The following MYT1L variants were observed in gnomAD, a reference collection of about 807,000 sequenced individuals.
MYT1L encodes myelin transcription factor 1-like protein.
In MYT1L, 12 loss-of-function variants were observed where a neutral mutation model predicts 126.7. The ratio of observed to expected loss-of-function variants is 0.09; its 90% CI spans 0.06 to 0.15. The LOEUF (loss-of-function observed/expected upper bound fraction) is 0.15. MYT1L is among the 10% of genes least tolerant of loss of function. The probability of loss-of-function intolerance (pLI) is 1.00; values close to 1 mark genes in which losing one functional copy is unlikely to be tolerated. For synonymous variants in MYT1L, 541 were observed against 604.2 expected (o/e 0.90, Z 1.53); for missense variants, 979 against 1,585.2 (o/e 0.62, Z 6.49).
chr2:2,309,820 A>G (rs1259926856), intron 1 of MYT1L, among the ~76,000 whole-genome samples: 1 of 151,802 alleles, frequency 6.6e-6, no homozygotes, highest in Non-Finnish European at 1.5e-5. Flanking sequence ...GCACTTCGGC[A>G]TACTCTATAT....
At chr2:1,947,500 C>T (rs1445552795) in intron 8 of MYT1L, among the ~76,000 whole-genome samples, 2 of 152,120 alleles carry the variant, frequency 1.3e-5, no homozygotes, top group African/African-American at 4.8e-5. Flanking sequence ...GTGTCTGAGT[C>T]CCAACCTTGG....
intron 1 of MYT1L, among the ~76,000 whole-genome samples, chr2:2,330,217 T>C (rs373382606): frequency 6.6e-6 from 1 of 152,084 alleles, no homozygotes; most frequent in Non-Finnish European, 1.5e-5. Flanking sequence ...AAAATAGTTT[T>C]ACTCTAAGTA....
In MYT1L at chr2:1,791,520, T is replaced by C; in HGVS notation, c.*347A>G. ...CATTTCAGTTCAAAATACTAAAACA[T>C]TTAATCACTAAAGCATTAAAAAGAA... On this transcript the variant is annotated 3_prime_UTR_variant, in exon 25 of 25. Coordinates refer to ENST00000647738, the MANE Select transcript of MYT1L (RefSeq NM_001303052.2). This position sits in a 1 kb window ranked among gnomAD's most constrained non-coding sequence, Gnocchi z 6.0. The C allele has an allele frequency of 3.0e-6, 1 of 329,754 alleles. No individual in the cohort carries two copies. The highest frequency in any genetic ancestry group is 5.8e-6 in the Non-Finnish European group (1 of 172,518). 20.4% of individuals were successfully genotyped at this position (329,754 alleles called of 1,614,324 possible).
chr2:2,205,378 C>G (rs57959990), intron 2 of MYT1L, among the ~76,000 whole-genome samples: 1 of 152,168 alleles, frequency 6.6e-6, no homozygotes, highest in African/African-American at 2.4e-5. Flanking sequence ...GAACCTTAAA[C>G]AATTCTTAAA....
chr2:2,004,657 GCC>G (rs2062963386), intron 4 of MYT1L, among the ~76,000 whole-genome samples: 5 of 72,788 alleles, frequency 6.9e-5, no homozygotes, highest in South Asian at 3.8e-4. Context: ...TTTCCTGCGT[GCC>G]TTCTTTCCTG....
rs558175045 is a variant in MYT1L, at chr2:1,918,184, A to G, written c.1484-845T>C. Among the ~76,000 whole-genome samples the G allele has an allele frequency of 1.3e-4, 20 of 152,336 alleles. No homozygotes were observed. In the East Asian group the frequency reaches 3.9e-3, roughly 29 times the overall value. ...TTCGGTTAAAAAAAAATTCAATACT[A>G]GAGGCCAGAAATGTAATGATATTGC... On this transcript the variant is annotated intron_variant, in intron 10 of 24. Transcript: ENST00000647738.
chr2:1,809,836 C>T (rs780624252), intron 21 of MYT1L: 1 of 152,514 alleles, frequency 6.6e-6, no homozygotes, highest in Non-Finnish European at 1.5e-5. Context: ...CGTCTCAGCT[C>T]TTCACAGTGT....
chr2:1,934,945 A>C lies in MYT1L; in HGVS notation c.505+8037T>G, dbSNP rs181122582. 1.2e-3 allele frequency among the ~76,000 whole-genome samples: 184 copies of C among 152,190 alleles called. 1 individual carries two copies. The highest frequency in any genetic ancestry group is 4.2e-3 in the African/African-American group (173 of 41,534). ...GAGACACAGGTGGCTGCTCACATAA[A>C]TGTGCTAGATTGGGAGGGAAATTGA... is the stretch of plus-strand genomic sequence containing the variant. On this transcript the variant is annotated intron_variant, in intron 9 of 24. Transcript: ENST00000647738.
Position 1,912,010 on chromosome 2 carries a change from C to T in MYT1L, c.1709+10G>A, listed in dbSNP as rs552443683. 20 of 1,586,868 alleles carry T rather than the reference C, an allele frequency of 1.3e-5. No individual in the cohort carries two copies. The Admixed American group carries it at 2.4e-4, about 19-fold the overall frequency. On this transcript the variant is annotated intron_variant, in intron 12 of 24. Transcript: ENST00000647738. The surrounding 1 kb of genome is among the most constrained non-coding windows in gnomAD (Gnocchi z 4.3). ...CTCCCTCCCACACCAGTGACCCACG[C>T]GTGGCTTACCTTCGGTGGGAGTTCC...
chr2:1,996,068 G>A (rs1323492177), intron 5 of MYT1L, among the ~76,000 whole-genome samples: 5 of 152,332 alleles, frequency 3.3e-5, no homozygotes, highest in South Asian at 2.1e-4. Flanking sequence ...GGGAAGGGCC[G>A]GAGAGGCTGA....
At chr2:1,802,690 C>T (rs1227644270) in intron 22 of MYT1L, among the ~76,000 whole-genome samples, 2 of 152,200 alleles carry the variant, frequency 1.3e-5, no homozygotes, top group African/African-American at 4.8e-5. Context: ...CACTTGCTTC[C>T]CTGGCCGGCT....
At chr2:1,992,515 A>G (rs2061523553) in intron 5 of MYT1L, among the ~76,000 whole-genome samples, 1 of 152,132 alleles carries the variant, frequency 6.6e-6, no homozygotes, top group Non-Finnish European at 1.5e-5. Flanking sequence ...TCTCGGGCAT[A>G]AGAACCCAGA....
At chr2:2,327,977 C>T (rs2096261768) in intron 1 of MYT1L, among the ~76,000 whole-genome samples, 1 of 152,124 alleles carries the variant, frequency 6.6e-6, no homozygotes, top group Admixed American at 6.5e-5. Context: ...AATTGGCTTA[C>T]AGGTAGAGTT....
intron 2 of MYT1L, among the ~76,000 whole-genome samples, chr2:2,203,757 C>T (rs1408565427): frequency 6.6e-6 from 1 of 152,154 alleles, no homozygotes; most frequent in Admixed American, 6.5e-5. Flanking sequence ...TTGGAAAAAA[C>T]TACTTTAAAG....
rs1019589267 is a variant in MYT1L, at chr2:1,791,027, G to A, written c.*840C>T. The A allele has an allele frequency of 2.0e-5, 6 of 304,994 alleles. No individual in the cohort carries two copies. Among genetic ancestry groups the A allele is most frequent in the Non-Finnish European group, 4.0e-5 (6 of 150,604 alleles). The allele number at this position is 304,994 out of a possible 1,614,324, so 18.9% of individuals were successfully genotyped here. ...TGAAAATGGAAAAGGAAATCTTCAC[G>A]TTGTCCACCTCTGATAAGATCCTGT... is the stretch of plus-strand genomic sequence containing the variant. On this transcript the variant is annotated 3_prime_UTR_variant, in exon 25 of 25. Transcript: ENST00000647738. The surrounding 1 kb of genome is among the most constrained non-coding windows in gnomAD (Gnocchi z 6.0).
intron 8 of MYT1L, among the ~76,000 whole-genome samples, chr2:1,945,893 T>C (rs771054247): frequency 2.6e-5 from 4 of 152,166 alleles, no homozygotes; most frequent in Admixed American, 6.5e-5. Context: ...TTTAGACCAA[T>C]TGCACTAGCG....
Position 1,894,672 on chromosome 2 carries a change from A to T in MYT1L, c.2033-2385T>A, listed in dbSNP as rs928101798. On this transcript the variant is annotated intron_variant, in intron 14 of 24. Coordinates refer to ENST00000647738, the MANE Select transcript of MYT1L (RefSeq NM_001303052.2). ...GAGGGAATTTCAATTCCTAAAAAAAATTAAAGGAATAACACAAGTTAATGC... is the reference window on the plus strand; with the variant it reads ...GAGGGAATTTCAATTCCTAAAAAAATTTAAAGGAATAACACAAGTTAATGC... Among the ~76,000 whole-genome samples, 14 of 152,290 alleles carry T rather than the reference A, an allele frequency of 9.2e-5. No homozygotes were observed. In the East Asian group the frequency reaches 1.5e-3, roughly 17 times the overall value.
intron 1 of MYT1L, among the ~76,000 whole-genome samples, chr2:2,309,644 A>G (rs886105150): frequency 1.3e-5 from 2 of 151,372 alleles, no homozygotes; most frequent in African/African-American, 4.9e-5. Context: ...TACTCTACCC[A>G]TACTCCACCT....
At chr2:2,321,338 A>G (rs952272559) in intron 1 of MYT1L, among the ~76,000 whole-genome samples, 10 of 152,244 alleles carry the variant, frequency 6.6e-5, no homozygotes, top group African/African-American at 2.4e-4. Flanking sequence ...ACTCGGTTTG[A>G]TGGCTCTCTA....
Sources: allele counts gnomAD v4.1 joint callset (sites outside exome capture counted in the v4.1 genomes callset), GRCh38; gene constraint gnomAD v4.1.1; non-coding constraint Gnocchi (gnomAD v3.1); transcripts MANE v1.5; gene names NCBI Gene and HGNC (gene_info 2026-07-23, HGNC 2026-07-21).